SPOCK3: variants seen among roughly 807,000 people sequenced by gnomAD.
SPOCK3 encodes the protein SPARC (osteonectin), cwcv and kazal like domains proteoglycan 3, also known as testican-3.
SPOCK3 carries 30 observed loss-of-function variants against 56.6 expected under a neutral mutation model. The observed-to-expected ratio is 0.53, with a 90% CI of 0.40 to 0.72. The LOEUF is 0.72. Ranked by LOEUF, SPOCK3 falls within the 30% of genes least tolerant of loss-of-function variation. The pLI is 0.00. For synonymous variants in SPOCK3, 196 were observed against 183.3 expected (o/e 1.07, Z -0.56); for missense variants, 527 against 530.0 (o/e 0.99, Z 0.06).
In SPOCK3 at chr4:166,741,934, G is replaced by T. The variant is rs75224562; in HGVS notation, c.994+63C>A. 71 of 1,107,474 alleles carry T rather than the reference G, an allele frequency of 6.4e-5. No individual in the cohort carries two copies. The East Asian group carries it at 1.6e-3, about 24-fold the overall frequency. The allele number at this position is 1,107,474 out of a possible 1,614,324, so 68.6% of individuals were successfully genotyped here. ...GTTGGATTAATATTGATTTTATGTT[G>T]CTGTTTCCCTGGGGTTATTTATGTA... On this transcript the variant is annotated intron_variant, in intron 9 of 10. Coordinates refer to ENST00000357545, the MANE Select transcript of SPOCK3 (RefSeq NM_001040159.2).
intron 2 of SPOCK3, among the ~76,000 whole-genome samples, chr4:167,072,475 C>A (rs557595367): frequency 6.6e-6 from 1 of 151,872 alleles, no homozygotes; most frequent in East Asian, 2.0e-4. Context: ...CTATACTTCA[C>A]CCACAAAAGA....
In SPOCK3 at chr4:167,161,071, G is replaced by C. The variant is rs142176998; in HGVS notation, c.189+72914C>G. ...GATCTAATTAAACTAAAGAGCTTCT[G>C]CACAGCAAAAGAAACTACCACAGAG... On this transcript the variant is annotated intron_variant, in intron 2 of 10. Coordinates refer to ENST00000357545, the MANE Select transcript of SPOCK3 (RefSeq NM_001040159.2). 2.1e-3 allele frequency among the ~76,000 whole-genome samples: 313 copies of C among 152,242 alleles called. 2 individuals are homozygous for C. The highest frequency in any genetic ancestry group is 1.7e-3 in the Non-Finnish European group (118 of 68,012).
chr4:167,145,003 G>GA (rs376107978), intron 2 of SPOCK3, among the ~76,000 whole-genome samples: 318 of 146,922 alleles, frequency 2.2e-3, no homozygotes, highest in South Asian at 4.7e-3. Flanking sequence ...ATGCTGTTCA[G>GA]AAAAAAAAAA....
At chr4:166,965,911 T>TG (rs923407772) in intron 4 of SPOCK3, among the ~76,000 whole-genome samples, 4 of 152,098 alleles carry the variant, frequency 2.6e-5, no homozygotes, top group Non-Finnish European at 5.9e-5. Context: ...TCATGGGTTT[T>TG]GGGTAAATGT....
intron 4 of SPOCK3, among the ~76,000 whole-genome samples, chr4:166,928,212 A>T (rs1192968629): frequency 6.6e-6 from 1 of 152,202 alleles, no homozygotes; most frequent in Non-Finnish European, 1.5e-5. Flanking sequence ...GGGATCCAGC[A>T]ATTATACTCA....
intron 2 of SPOCK3, among the ~76,000 whole-genome samples, chr4:167,110,084 G>A (rs1024004121): frequency 2.0e-5 from 3 of 151,958 alleles, no homozygotes; most frequent in African/African-American, 7.2e-5. Context: ...CCTCCTTGGG[G>A]TCTGAAATCA....
At chr4:167,152,607 T>C (rs1764514952) in intron 2 of SPOCK3, among the ~76,000 whole-genome samples, 1 of 152,202 alleles carries the variant, frequency 6.6e-6, no homozygotes, top group Non-Finnish European at 1.5e-5. Context: ...AAATTTCAAC[T>C]TTTTAAATAA....
chr4:167,169,266 A>G (rs977830757), intron 2 of SPOCK3, among the ~76,000 whole-genome samples: 1 of 152,138 alleles, frequency 6.6e-6, no homozygotes, highest in African/African-American at 2.4e-5. Flanking sequence ...ACAGCTTGCA[A>G]TGTGTGCTTG....
At chr4:167,233,505 T>A (rs1371046241) in intron 2 of SPOCK3, among the ~76,000 whole-genome samples, 1 of 152,074 alleles carries the variant, frequency 6.6e-6, no homozygotes, top group African/African-American at 2.4e-5. Context: ...CCGCCAAACA[T>A]CCTCCCACCC....
Position 166,734,784 on chromosome 4 carries a change from C to T in SPOCK3, c.*137G>A, listed in dbSNP as rs1017555882. The T allele has an allele frequency of 7.1e-5, 53 of 745,164 alleles. 2 individuals carry two copies. In the South Asian group the frequency reaches 9.3e-4, roughly 13 times the overall value. 46.2% of individuals were successfully genotyped at this position (745,164 alleles called of 1,614,324 possible). On this transcript the variant is annotated 3_prime_UTR_variant, in exon 11 of 11. Transcript: ENST00000357545. ...ACATAAAGTTCTATAACTTTAGCTG[C>T]AATTTTTCAAATAATTATACAAAAT... is the stretch of plus-strand genomic sequence containing the variant.
intron 6 of SPOCK3, among the ~76,000 whole-genome samples, chr4:166,820,437 G>C (rs147298443): frequency 6.6e-6 from 1 of 152,080 alleles, no homozygotes; most frequent in African/African-American, 2.4e-5. Flanking sequence ...TGACAGTCTT[G>C]ATATAAATCC....
intron 3 of SPOCK3, among the ~76,000 whole-genome samples, chr4:167,009,717 C>A (rs1245858650): frequency 6.6e-6 from 1 of 152,018 alleles, no homozygotes; most frequent in East Asian, 1.9e-4. Flanking sequence ...AACAAATAAT[C>A]CAATCCACTC....
At position 166,801,947 on chromosome 4, in the gene SPOCK3, T is replaced by A. The variant is rs569509005; in HGVS notation, c.590-9658A>T. Reference sequence around the variant, plus strand: ...AGCCAGAAACAGAGAGATTCCTGAATTCCTCCCAGGAATATGTTCATGAAG... The same window carrying A: ...AGCCAGAAACAGAGAGATTCCTGAAATCCTCCCAGGAATATGTTCATGAAG... On this transcript the variant is annotated intron_variant, in intron 6 of 10. Transcript: ENST00000357545. 1.1e-4 allele frequency among the ~76,000 whole-genome samples: 16 copies of A among 152,234 alleles called. No homozygotes were observed. The South Asian group carries it at 3.1e-3, about 30-fold the overall frequency.
intron 2 of SPOCK3, among the ~76,000 whole-genome samples, chr4:167,138,650 G>T (rs1380821501): frequency 3.3e-5 from 5 of 152,010 alleles, no homozygotes; most frequent in Admixed American, 2.0e-4. Flanking sequence ...GCATAAGATT[G>T]GGAGAAAGGA....
chr4:167,232,040 C>T (rs1404675877), intron 2 of SPOCK3, among the ~76,000 whole-genome samples: 1 of 140,744 alleles, frequency 7.1e-6, no homozygotes, highest in Non-Finnish European at 1.5e-5. Context: ...TCCTTGAGAT[C>T]CTAGAATAAC....
At chr4:166,851,786 C>T (rs1160103921) in intron 6 of SPOCK3, among the ~76,000 whole-genome samples, 1 of 151,864 alleles carries the variant, frequency 6.6e-6, no homozygotes, top group Non-Finnish European at 1.5e-5. Context: ...ACCCAGCCAT[C>T]CCATTACTGG....
chr4:167,206,538 G>A (rs1308797709), intron 2 of SPOCK3, among the ~76,000 whole-genome samples: 1 of 151,992 alleles, frequency 6.6e-6, no homozygotes, highest in Non-Finnish European at 1.5e-5. Context: ...TCATCAGCAA[G>A]AATGACTTGT....
At chr4:166,998,318 A>G (rs1748600263) in intron 4 of SPOCK3, among the ~76,000 whole-genome samples, 1 of 152,142 alleles carries the variant, frequency 6.6e-6, no homozygotes, top group East Asian at 1.9e-4. Flanking sequence ...CCACTACACC[A>G]AAGGCAAAGC....
intron 6 of SPOCK3, among the ~76,000 whole-genome samples, chr4:166,853,987 C>T (rs1161235647): frequency 3.3e-5 from 5 of 152,036 alleles, no homozygotes; most frequent in African/African-American, 1.2e-4. Flanking sequence ...GTAAATCAGC[C>T]TTTTAAAACA....
Sources: allele counts gnomAD v4.1 joint callset (sites outside exome capture counted in the v4.1 genomes callset), GRCh38; gene constraint gnomAD v4.1.1; transcripts MANE v1.5; gene names NCBI Gene and HGNC (gene_info 2026-07-23, HGNC 2026-07-21).